Variants in NRXN3 observed in about 807,000 individuals in gnomAD.
The protein encoded by NRXN3 is neurexin 3, also known as neurexin III.
A neutral mutation model predicts 137.6 loss-of-function variants in NRXN3; 32 were observed. That is an observed-to-expected ratio of 0.23 (90% CI 0.18 to 0.31). NRXN3 has a LOEUF of 0.31. Among genes scored for constraint, NRXN3 ranks in the 10% least tolerant of loss-of-function variants. The probability of loss-of-function intolerance (pLI) is 1.00; values close to 1 mark genes in which losing one functional copy is unlikely to be tolerated. For missense variants in NRXN3, 1,574 were observed against 2,062.5 expected (o/e 0.76, Z 4.59); for synonymous variants, 798 against 784.5 (o/e 1.02, Z -0.29).
chr14:78,909,466 G>T (rs576581854), intron 10 of NRXN3, among the ~76,000 whole-genome samples: 2 of 152,208 alleles, frequency 1.3e-5, no homozygotes, highest in Admixed American at 1.3e-4. Flanking sequence ...GCCCAAGAAA[G>T]CTTCAATAGC....
intron 15 of NRXN3, among the ~76,000 whole-genome samples, chr14:79,185,381 G>A (rs917555867): frequency 1.3e-5 from 2 of 151,880 alleles, no homozygotes; most frequent in East Asian, 1.9e-4. Context: ...TACACATGGT[G>A]AAACATTCTA....
chr14:78,174,105 T>C (rs941507454), intron 1 of NRXN3, among the ~76,000 whole-genome samples: 1 of 152,012 alleles, frequency 6.6e-6, no homozygotes, highest in African/African-American at 2.4e-5. Context: ...AAGCAGGGGA[T>C]TGGAATGGGG....
At chr14:79,105,222 A>G (rs2052170947) in intron 15 of NRXN3, among the ~76,000 whole-genome samples, 1 of 152,130 alleles carries the variant, frequency 6.6e-6, no homozygotes, top group African/African-American at 2.4e-5. Context: ...AGACAGATCA[A>G]TAGTATCGTT....
At chr14:78,514,812 G>A (rs1362253051) in intron 4 of NRXN3, among the ~76,000 whole-genome samples, 1 of 152,084 alleles carries the variant, frequency 6.6e-6, no homozygotes, top group African/African-American at 2.4e-5. Flanking sequence ...AATCAGGGAG[G>A]ACCACTTGGG....
At chr14:78,947,986 G>C (rs566062791) in intron 10 of NRXN3, among the ~76,000 whole-genome samples, 30 of 152,288 alleles carry the variant, frequency 2.0e-4, no homozygotes, top group African/African-American at 6.7e-4. Flanking sequence ...GGTAATTGAC[G>C]TTACCTACCT....
At chr14:78,657,813 G>C (rs906439909) in intron 6 of NRXN3, among the ~76,000 whole-genome samples, 1 of 152,130 alleles carries the variant, frequency 6.6e-6, no homozygotes, top group Non-Finnish European at 1.5e-5. Flanking sequence ...CGGGCTTTGG[G>C]ATAATGTGTT....
intron 4 of NRXN3, among the ~76,000 whole-genome samples, chr14:78,334,054 ATT>A (rs1348006336): frequency 4.6e-5 from 7 of 152,126 alleles, no homozygotes; most frequent in Non-Finnish European, 1.0e-4. Context: ...ACTCCAAGGT[ATT>A]TATCCTAAGC....
At chr14:78,316,980 A>G (rs1007021090) in intron 4 of NRXN3, among the ~76,000 whole-genome samples, 4 of 152,124 alleles carry the variant, frequency 2.6e-5, no homozygotes, top group African/African-American at 9.7e-5. Flanking sequence ...CCAAGAGGAG[A>G]TATATATGCA....
rs1208480287 is a variant in NRXN3 at position 78,926,919 on chromosome 14, TA to T, written c.2276-30321del. Among the ~76,000 whole-genome samples the T allele has an allele frequency of 6.4e-5, 2 of 31,182 alleles. 1 individual carries two copies. The highest frequency in any genetic ancestry group is 9.1e-5 in the Non-Finnish European group (2 of 21,998). 20.5% of individuals were successfully genotyped at this position (31,182 alleles called of 152,430 possible). A position where few individuals can be genotyped will look rare whatever the true frequency, so the allele number is the denominator to read the frequency against. On this transcript the variant is annotated intron_variant, in intron 10 of 20. Coordinates refer to ENST00000335750, the MANE Select transcript of NRXN3 (RefSeq NM_001330195.2). ...ATATATAATATATATAATATATATA[TA>T]ATATATAATATATTTATATATATAT...
At chr14:78,501,680 G>A (rs149545740) in intron 4 of NRXN3, among the ~76,000 whole-genome samples, 55 of 152,188 alleles carry the variant, frequency 3.6e-4, no homozygotes, top group African/African-American at 1.3e-3. Context: ...AATTCTGGAA[G>A]GTATCTGATA....
rs759945892 is a variant in NRXN3 at position 78,988,150 on chromosome 14, A to C, written c.3262+9A>C. On this transcript the variant is annotated intron_variant, in intron 15 of 20. Transcript: ENST00000335750. ...AAACCAGTGCAATGATCGTAAGTAC[A>C]ACAACCTTTCATACTGGAACTTTGT... The C allele has an allele frequency of 6.2e-7, 1 of 1,613,736 alleles. No homozygotes were observed. The highest frequency in any genetic ancestry group is 8.5e-7 in the Non-Finnish European group (1 of 1,179,740).
At chr14:79,359,593 C>T (rs1377089881) in intron 15 of NRXN3, among the ~76,000 whole-genome samples, 2 of 131,016 alleles carry the variant, frequency 1.5e-5, no homozygotes, top group African/African-American at 2.9e-5. Flanking sequence ...TTTTTGGAGA[C>T]AGAGTCTTGC....
chr14:79,245,540 C>T (rs1269513320), intron 15 of NRXN3, among the ~76,000 whole-genome samples: 1 of 152,124 alleles, frequency 6.6e-6, no homozygotes, highest in Non-Finnish European at 1.5e-5. Context: ...TTTCCTAAGC[C>T]TCAGTTTCCT....
intron 4 of NRXN3, among the ~76,000 whole-genome samples, chr14:78,440,767 G>A (rs1268897509): frequency 6.6e-6 from 1 of 152,122 alleles, no homozygotes; most frequent in East Asian, 1.9e-4. Flanking sequence ...AGGGGTTGGG[G>A]TGGGGTGTGC....
intron 16 of NRXN3, among the ~76,000 whole-genome samples, chr14:79,614,613 T>C (rs1377626147): frequency 6.6e-6 from 1 of 152,210 alleles, no homozygotes; most frequent in Non-Finnish European, 1.5e-5. Flanking sequence ...TCCTGTCACA[T>C]CTTGCACTGC....
intron 4 of NRXN3, among the ~76,000 whole-genome samples, chr14:78,607,167 A>G (rs1359511116): frequency 1.3e-5 from 2 of 152,186 alleles, no homozygotes; most frequent in East Asian, 3.9e-4. Flanking sequence ...TCCTTTCCCT[A>G]CACCTCAGAG....
At chr14:79,659,363 G>A (rs948721005) in intron 16 of NRXN3, among the ~76,000 whole-genome samples, 1 of 152,072 alleles carries the variant, frequency 6.6e-6, no homozygotes, top group African/African-American at 2.4e-5. Context: ...TGCTGTTTTT[G>A]CAGCTACACT....
chr14:79,254,812 C>G (rs1037716585), intron 15 of NRXN3, among the ~76,000 whole-genome samples: 3 of 143,502 alleles, frequency 2.1e-5, no homozygotes, highest in African/African-American at 8.1e-5. Flanking sequence ...CTCCCTCCCT[C>G]CCTCCCTTCC....
chr14:78,887,530 G>T (rs2099147089), intron 10 of NRXN3, among the ~76,000 whole-genome samples: 1 of 151,994 alleles, frequency 6.6e-6, no homozygotes, highest in South Asian at 2.1e-4. Context: ...ATGGATGCCT[G>T]ATTTTTTTCC....
Sources: gnomAD v4.1 joint callset for allele counts (sites outside exome capture counted in the v4.1 genomes callset) on GRCh38, gnomAD v4.1.1 for gene constraint, MANE v1.5 for transcripts, NCBI Gene and HGNC (gene_info 2026-07-23, HGNC 2026-07-21) for gene names.